The following TBL3 variants were observed in gnomAD, a reference collection of about 807,000 sequenced individuals.
TBL3 encodes the protein transducin beta like 3, also known as transducin beta-like protein 3.
Under a neutral mutation model 102.7 loss-of-function variants are expected in TBL3, and 71 were observed. The observed-to-expected ratio is 0.69, with a 90% CI of 0.57 to 0.84. TBL3 has a LOEUF of 0.84. Ranked by LOEUF, TBL3 falls within the 40% of genes least tolerant of loss-of-function variation. The pLI is 0.00. For synonymous variants in TBL3, 578 were observed against 477.7 expected (o/e 1.21, Z -2.74); for missense variants, 1,188 against 1,098.5 (o/e 1.08, Z -1.15).
In TBL3 at chr16:1,974,558, G is replaced by C; in HGVS notation, c.258G>C (p.Arg86=). 1 of 1,609,480 alleles carries C rather than the reference G, an allele frequency of 6.2e-7. No homozygotes were observed. The highest frequency in any genetic ancestry group is 8.5e-7 in the Non-Finnish European group (1 of 1,177,124). The change falls in exon 5 of 22, where the codon CGG becomes CGC. Residue 86 remains arginine (R), a synonymous_variant. Transcript: ENST00000568546. ...PDNEVLVTAS[R]ALLLAQWAWQ... Reference sequence around the variant, plus strand: ...CCCAGGTGCTGGTGACAGCCAGTCGGGCATTGCTGCTGGCTCAGTGGGCCT... The same window carrying C: ...CCCAGGTGCTGGTGACAGCCAGTCGCGCATTGCTGCTGGCTCAGTGGGCCT...
Position 1,974,930 on chromosome 16 carries a change from T to C in TBL3, c.467T>C (p.Leu156Pro). 6.2e-7 allele frequency: 1 copy of C among 1,611,842 alleles called. No homozygotes were observed. Among genetic ancestry groups the C allele is most frequent in the South Asian group, 1.1e-5 (1 of 91,056 alleles). The change falls in exon 7 of 22, where the codon CTA becomes CCA. Residue 156 changes from leucine to proline, a missense_variant and splice_region_variant. Physicochemically the swap from Leu to Pro is moderately conservative, Grantham distance 98. Transcript: ENST00000568546. ...CATCCTGTCCCGTCCGCCCACAGCCTAGTGGCCTTCCACCCGGACCCTACA... is the reference window on the plus strand; with the variant it reads ...CATCCTGTCCCGTCCGCCCACAGCCCAGTGGCCTTCCACCCGGACCCTACA... ...HFRGSPGVVH[L>P]VAFHPDPTRL...
In TBL3 at chr16:1,978,478, G is replaced by A. The variant is rs1185547604; in HGVS notation, c.2293+7G>A. ...GCCCTGCTGCCCTACACTGGTATGT[G>A]GGCACAGCCTGGGGTTGGGGGATCC... On this transcript the variant is annotated splice_region_variant and intron_variant, in intron 21 of 21. Transcript: ENST00000568546. 2.5e-6 allele frequency: 4 copies of A among 1,596,398 alleles called. No homozygotes were observed. The highest frequency in any genetic ancestry group is 3.4e-5 in the Admixed American group (2 of 59,018).
chr16:1,981,497 T>C lies in TBL3; in HGVS notation c.*2812T>C. 1 of 438,766 alleles carries C rather than the reference T, an allele frequency of 2.3e-6. No homozygotes were observed. The highest frequency in any genetic ancestry group is 4.4e-5 in the East Asian group (1 of 22,820). 27.2% of individuals were successfully genotyped at this position (438,766 alleles called of 1,614,324 possible). On this transcript the variant is annotated 3_prime_UTR_variant, in exon 22 of 22. Transcript: ENST00000568546. ...AGAAGGGGCGAAGGGTAGGCGGGAC[T>C]GCTGCCTGGGGCCCTCCTGCCTGCC...
Position 1,977,656 on chromosome 16 carries a change from G to C in TBL3, c.1885G>C (p.Val629Leu). Reference sequence around the variant, plus strand: ...CCTCACTGGGGCCAGTGACTCCCGAGTCATCCTCTGGAAGGTTGTGGGCCC... The same window carrying C: ...CCTCACTGGGGCCAGTGACTCCCGACTCATCCTCTGGAAGGTTGTGGGCCC... ...HALTGASDSR[V>L]ILWKDVTEAE... Residue 629 changes from valine (V) to leucine (L), a missense_variant, in exon 17 of 22, where the codon GTC (valine) becomes CTC (leucine). Physicochemically the swap from Val to Leu is conservative, Grantham distance 32. Transcript: ENST00000568546. The C allele has an allele frequency of 6.4e-7, 1 of 1,551,810 alleles. No homozygotes were observed. The highest frequency in any genetic ancestry group is 2.0e-5 in the Admixed American group (1 of 51,058).
Position 1,975,041 on chromosome 16 carries a change from C to T in TBL3, c.578C>T (p.Ala193Val). ...CGGTCATGCCTGGCTGTGCTGACTGCCCACTACAGCGCCGTCACCTCACTG... is the reference window on the plus strand; with the variant it reads ...CGGTCATGCCTGGCTGTGCTGACTGTCCACTACAGCGCCGTCACCTCACTG... ...QDRSCLAVLTAHYSAVTSLAF... is the reference protein window; with the variant it reads ...QDRSCLAVLTVHYSAVTSLAF... The change falls in exon 7 of 22, where the codon GCC becomes GTC. Residue 193 changes from alanine to valine, a missense_variant. Transcript: ENST00000568546. 1 of 1,607,470 alleles carries T rather than the reference C, an allele frequency of 6.2e-7. No homozygotes were observed. The highest frequency in any genetic ancestry group is 8.5e-7 in the Non-Finnish European group (1 of 1,180,000).
Position 1,976,252 on chromosome 16 carries a change from G to A in TBL3, c.1230G>A (p.Gln410=). ...TCTGGAGAATGAACAAGGCTGGCCA[G>A]GTGATGTGCGTGGCTCAGGGTTCCG... The part of the protein sequence containing the change: ...VRIWRMNKAG[Q]VMCVAQGSGH... Residue 410 remains glutamine, a synonymous_variant, in exon 13 of 22, where the codon CAG becomes CAA. Transcript: ENST00000568546. 2 of 1,614,176 alleles carry A rather than the reference G, an allele frequency of 1.2e-6. No individual in the cohort carries two copies. Among genetic ancestry groups the A allele is most frequent in the South Asian group, 1.1e-5 (1 of 91,090 alleles).
Position 1,978,136 on chromosome 16 carries a change from C to A in TBL3, c.2063-13C>A, listed in dbSNP as rs925526502. ...CTCTGCTTTCCCCAGCTCAGCCTTCCCTTCTCCCACAGCCATCCGGAGGGA... is the reference window on the plus strand; with the variant it reads ...CTCTGCTTTCCCCAGCTCAGCCTTCACTTCTCCCACAGCCATCCGGAGGGA... On this transcript the variant is annotated splice_polypyrimidine_tract_variant and intron_variant, in intron 19 of 21. Coordinates refer to ENST00000568546, the MANE Select transcript of TBL3 (RefSeq NM_006453.3). 1 of 1,612,340 alleles carries A rather than the reference C, an allele frequency of 6.2e-7. No individual in the cohort carries two copies. Among genetic ancestry groups the A allele is most frequent in the African/African-American group, 1.3e-5 (1 of 74,924 alleles).
chr16:1,977,245 C>T lies in TBL3; in HGVS notation c.1632C>T (p.Thr544=). The T allele has an allele frequency of 1.2e-6, 2 of 1,613,288 alleles. No homozygotes were observed. The highest frequency in any genetic ancestry group is 2.7e-5 in the African/African-American group (2 of 75,034). The change falls in exon 15 of 22, where the codon ACC becomes ACT. Residue 544 remains threonine (T), a synonymous_variant. Transcript: ENST00000568546. ...TGGCCACGGCCTCAGCTGATGGCAC[C>T]ATCAAGCTCTGGGCACTCCAGGACT... The part of the protein sequence containing the change: ...QVLATASADG[T]IKLWALQDFS...
At chr16:1,973,036 G>A (rs961041741) in intron 1 of TBL3, among the ~76,000 whole-genome samples, 7 of 152,186 alleles carry the variant, frequency 4.6e-5, no homozygotes, top group African/African-American at 1.7e-4. Flanking sequence ...AAGGGTGGCA[G>A]AGGCTCTTCT....
chr16:1,977,627 A>G lies in TBL3; in HGVS notation c.1856A>G (p.His619Arg), dbSNP rs2083414720. The G allele has an allele frequency of 6.4e-7, 1 of 1,554,276 alleles. No homozygotes were observed. Among genetic ancestry groups the G allele is most frequent in the African/African-American group, 1.4e-5 (1 of 73,274 alleles). Residue 619 changes from histidine (H) to arginine (R), a missense_variant, in exon 17 of 22, where the codon CAC becomes CGC. His to Arg is a conservative substitution (Grantham distance 29). Coordinates refer to ENST00000568546, the MANE Select transcript of TBL3 (RefSeq NM_006453.3). Reference sequence around the variant, plus strand: ...CTGCACTGCAGCCGGCTGGACGACCACGCCCTCACTGGGGCCAGTGACTCC... The same window carrying G: ...CTGCACTGCAGCCGGCTGGACGACCGCGCCCTCACTGGGGCCAGTGACTCC... ...WGLHCSRLDD[H>R]ALTGASDSRV...
At position 1,974,972 on chromosome 16, in the gene TBL3, C is replaced by T; in HGVS notation, c.509C>T (p.Ser170Phe). 2 of 1,609,110 alleles carry T rather than the reference C, an allele frequency of 1.2e-6. No homozygotes were observed. The highest frequency in any genetic ancestry group is 2.2e-5 in the South Asian group (2 of 91,086). Residue 170 changes from serine to phenylalanine, a missense_variant, in exon 7 of 22, where the codon TCC becomes TTC. Ser to Phe is a radical substitution (Grantham distance 155). Coordinates refer to ENST00000568546, the MANE Select transcript of TBL3 (RefSeq NM_006453.3). The part of the protein sequence containing the change: ...HPDPTRLLLF[S>F]SATDAAIRVW... The stretch of plus-strand genomic sequence containing the variant: ...GACCCTACACGCCTGCTGCTCTTCT[C>T]CTCGGCCACGGATGCCGCCATCCGC...
In TBL3 at chr16:1,979,785, C is replaced by A. The variant is rs1012591296; in HGVS notation, c.*1100C>A. ...GTGGCGTGAGGGGTGGGGTTAGGCG[C>A]ATACCGCTGCTCCCTAGGGACGGGC... On this transcript the variant is annotated 3_prime_UTR_variant, in exon 22 of 22. Transcript: ENST00000568546. 2.0e-6 allele frequency: 3 copies of A among 1,533,412 alleles called. No individual in the cohort carries two copies. Among genetic ancestry groups the A allele is most frequent in the Admixed American group, 3.9e-5 (2 of 50,938 alleles). 95.0% of individuals were successfully genotyped at this position (1,533,412 alleles called of 1,614,324 possible).
intron 13 of TBL3, among the ~76,000 whole-genome samples, 160 bp from the exon 14 acceptor site, chr16:1,976,654 G>T (rs1483379843): frequency 1.3e-5 from 2 of 152,148 alleles, no homozygotes; most frequent in African/African-American, 4.8e-5. Context: ...TGTAGACAGG[G>T]CTTGATCCTA....
At chr16:1,974,139 C>T (rs1392572218) in intron 2 of TBL3, 32 bp downstream of exon 2, 3 of 1,567,602 alleles carry the variant, frequency 1.9e-6, no homozygotes, top group Non-Finnish European at 2.6e-6. Context: ...GTGGGGCGGG[C>T]AGCCAGAGGC....
At chr16:1,977,457 GT>G in intron 16 of TBL3, 31 bp downstream of exon 16, 3 of 1,608,814 alleles carry the variant, frequency 1.9e-6, no homozygotes, top group Non-Finnish European at 2.5e-6. Context: ...CAGCGATGGA[GT>G]GGGGGGTGGC....
In TBL3 at chr16:1,974,668, T is replaced by A. The variant is rs2150882623; in HGVS notation, c.368T>A (p.Leu123Gln). Residue 123 changes from leucine to glutamine, a missense_variant, in exon 5 of 22, where the codon CTG becomes CAG. By Grantham distance (113) the Leu-to-Gln change is moderately radical. Coordinates refer to ENST00000568546, the MANE Select transcript of TBL3 (RefSeq NM_006453.3). The stretch of plus-strand genomic sequence containing the variant: ...ATGGCCTTCGACCCCACCTCCACTC[T>A]GCTAGCCACAGGTAGGGCCCTGCCG... ...ATMAFDPTST[L>Q]LATGGCDGAV... The A allele has an allele frequency of 1.2e-6, 2 of 1,609,470 alleles. No individual in the cohort carries two copies. Among genetic ancestry groups the A allele is most frequent in the Non-Finnish European group, 1.7e-6 (2 of 1,177,296 alleles).
At chr16:1,975,126 G>A (rs571887606) in intron 7 of TBL3, 28 bp downstream of exon 7, 2 of 1,612,952 alleles carry the variant, frequency 1.2e-6, no homozygotes, top group East Asian at 4.5e-5. Context: ...GTAGGAGGGG[G>A]AGGCTTGGAA....
At chr16:1,974,741 C>T in intron 5 of TBL3, 22 bp from the exon 6 acceptor site, 1 of 1,612,144 alleles carries the variant, frequency 6.2e-7, no homozygotes, top group Non-Finnish European at 8.5e-7. Flanking sequence ...GCATTCCACC[C>T]CCTCACCTTG....
Position 1,972,088 on chromosome 16 carries a change from T to A in TBL3, c.-77T>A, listed in dbSNP as rs2083365008. 7.1e-7 allele frequency: 1 copy of A among 1,407,270 alleles called. No individual in the cohort carries two copies. The highest frequency in any genetic ancestry group is 1.5e-5 in the South Asian group (1 of 67,666). 87.2% of individuals were successfully genotyped at this position (1,407,270 alleles called of 1,614,324 possible). On this transcript the variant is annotated 5_prime_UTR_variant, in exon 1 of 22. Coordinates refer to ENST00000568546, the MANE Select transcript of TBL3 (RefSeq NM_006453.3). ...GGGAGTGTGGCGTTCTGTGAAGAGT[T>A]CGGTGCTAACCTCCCTCACGCGGCG... is the stretch of plus-strand genomic sequence containing the variant.
Sources: allele counts gnomAD v4.1 joint callset (sites outside exome capture counted in the v4.1 genomes callset), GRCh38; gene constraint gnomAD v4.1.1; transcripts MANE v1.5; gene names NCBI Gene and HGNC (gene_info 2026-07-23, HGNC 2026-07-21).